CD82: variants seen among roughly 807,000 people sequenced by gnomAD.
The protein encoded by CD82 is CD82 antigen.
Under a neutral mutation model 37.4 loss-of-function variants are expected in CD82, and 36 were observed. The ratio of observed to expected loss-of-function variants is 0.96; its 90% CI spans 0.74 to 1.27. CD82 has a LOEUF of 1.27. CD82 is among the 50% of genes most tolerant of loss of function. The probability of loss-of-function intolerance (pLI) is 0.00; values close to 1 mark genes in which losing one functional copy is unlikely to be tolerated. For missense variants in CD82, 340 were observed against 347.0 expected, an observed-to-expected ratio of 0.98 and a Z score of 0.16; for synonymous variants, 158 against 137.4, an observed-to-expected ratio of 1.15 and a Z score of -1.05.
chr11:44,591,705 C>T (rs1853147517), intron 2 of CD82, among the ~76,000 whole-genome samples: 1 of 152,216 alleles, frequency 6.6e-6, no homozygotes, highest in Non-Finnish European at 1.5e-5. Context: ...TAGGAATACT[C>T]ACTTCCTGGG....
chr11:44,584,369 C>G (rs914358767), intron 1 of CD82, among the ~76,000 whole-genome samples: 51 of 152,300 alleles, frequency 3.3e-4, no homozygotes, highest in Non-Finnish European at 6.8e-4. Flanking sequence ...TCACTGCAAC[C>G]TCTGCTTCCC....
chr11:44,594,786 C>T (rs1853197732), intron 3 of CD82, 61 bp downstream of exon 3: 11 of 1,411,276 alleles, frequency 7.8e-6, no homozygotes, highest in Non-Finnish European at 1.1e-5. Context: ...AGGGGCATCC[C>T]AGCCTGAGCC....
intron 1 of CD82, among the ~76,000 whole-genome samples, chr11:44,576,058 G>A (rs1041109716): frequency 2.3e-4 from 35 of 152,290 alleles, no homozygotes; most frequent in African/African-American, 6.3e-4. Context: ...CCATCTCTGC[G>A]CTAGGATCTT....
In CD82 at chr11:44,618,243, T is replaced by C. The variant is rs1853594558; in HGVS notation, c.520T>C (p.Cys174Arg). 6.2e-7 allele frequency: 1 copy of C among 1,614,090 alleles called. No individual in the cohort carries two copies. The highest frequency in any genetic ancestry group is 8.5e-7 in the Non-Finnish European group (1 of 1,180,024). ...LMNRPEVTYP[C>R]SCEVKGEEDN... ...GAATCGCCCTGAGGTCACCTACCCC[T>C]GTTCCTGCGAAGTCAAGGGGGAAGA... is the stretch of plus-strand genomic sequence containing the variant. Residue 174 changes from cysteine to arginine, a missense_variant, in exon 8 of 10, where the codon TGT (cysteine) becomes CGT (arginine). Coordinates refer to ENST00000227155, the MANE Select transcript of CD82 (RefSeq NM_002231.4).
intron 1 of CD82, chr11:44,573,217 C>A (rs1168314208): frequency 1.3e-5 from 2 of 152,096 alleles, no homozygotes; most frequent in African/African-American, 4.8e-5. Context: ...ACACATAAAC[C>A]GTTTTGAATG....
chr11:44,604,185 C>A (rs1416379952), intron 4 of CD82, among the ~76,000 whole-genome samples: 1 of 152,202 alleles, frequency 6.6e-6, no homozygotes, highest in South Asian at 2.1e-4. Context: ...CCACTCCCCA[C>A]CCCCAAATGT....
At chr11:44,598,197 C>T (rs550905702) in intron 3 of CD82, among the ~76,000 whole-genome samples, 3 of 151,904 alleles carry the variant, frequency 2.0e-5, no homozygotes, top group East Asian at 1.9e-4. Flanking sequence ...GGGGGGCAGA[C>T]GTGGGGTGGT....
intron 6 of CD82, chr11:44,606,909 C>T (rs1853406010): frequency 1.3e-5 from 2 of 152,338 alleles, no homozygotes; most frequent in Admixed American, 1.3e-4. Flanking sequence ...ACTAGGCCCT[C>T]TCAAGGTCGT....
intron 1 of CD82, among the ~76,000 whole-genome samples, chr11:44,574,157 G>C (rs1431075307): frequency 6.6e-6 from 1 of 152,086 alleles, no homozygotes; most frequent in African/African-American, 2.4e-5. Flanking sequence ...ACCCAGCCTT[G>C]AGCTGGGTGC....
intron 2 of CD82, among the ~76,000 whole-genome samples, chr11:44,593,852 T>C (rs1235710392): frequency 1.3e-5 from 2 of 152,086 alleles, no homozygotes; most frequent in African/African-American, 4.8e-5. Flanking sequence ...TAATAAGTAC[T>C]AATAGGATGG....
chr11:44,599,674 C>T (rs962583541), intron 3 of CD82, among the ~76,000 whole-genome samples: 3 of 152,214 alleles, frequency 2.0e-5, no homozygotes, highest in Admixed American at 6.5e-5. Context: ...TGGGGGCACC[C>T]GAGTCTGCCT....
chr11:44,619,168 A>G lies in CD82; in HGVS notation c.*42A>G. Reference sequence around the variant, plus strand: ...ATCTCCCTGCCTGGCCCCCAACCTCAGGGCTCCCAGGGGTCTCCCTGGCTC... The same window carrying G: ...ATCTCCCTGCCTGGCCCCCAACCTCGGGGCTCCCAGGGGTCTCCCTGGCTC... On this transcript the variant is annotated 3_prime_UTR_variant, in exon 10 of 10. Coordinates refer to ENST00000227155, the MANE Select transcript of CD82 (RefSeq NM_002231.4). 4.0e-6 allele frequency: 6 copies of G among 1,509,330 alleles called. No homozygotes were observed. The highest frequency in any genetic ancestry group is 5.5e-6 in the Non-Finnish European group (6 of 1,084,472). 93.5% of individuals were successfully genotyped at this position (1,509,330 alleles called of 1,614,324 possible). A position where few individuals can be genotyped will look rare whatever the true frequency, so the allele number is the denominator to read the frequency against.
chr11:44,610,257 A>G (rs1853461141), intron 6 of CD82, among the ~76,000 whole-genome samples: 2 of 152,240 alleles, frequency 1.3e-5, no homozygotes, highest in Admixed American at 1.3e-4. Context: ...GAGGGATTTG[A>G]TTTGTTCCTG....
At chr11:44,596,763 C>T (rs1276212353) in intron 3 of CD82, 1 of 384,788 alleles carries the variant, frequency 2.6e-6, no homozygotes, top group African/African-American at 2.1e-5. Flanking sequence ...GTTTACTCCT[C>T]AGCAAATGTG....
intron 1 of CD82, among the ~76,000 whole-genome samples, chr11:44,584,223 T>A (rs4996637): frequency 0.97 from 148,344 of 152,292 alleles, 72,296 homozygotes; most frequent in Non-Finnish European, 0.99. Flanking sequence ...GGGGTTTAGT[T>A]ACTCACTTGC....
At chr11:44,600,325 T>C in intron 4 of CD82, 95 bp downstream of exon 4, 3 of 1,166,516 alleles carry the variant, frequency 2.6e-6, no homozygotes, top group East Asian at 4.8e-5. Flanking sequence ...TCGGCTTCAA[T>C]GCCTGTTGCT....
rs1316047238 is a variant in CD82, at chr11:44,619,171, G to A, written c.*45G>A. 7 of 1,491,222 alleles carry A rather than the reference G, an allele frequency of 4.7e-6. No individual in the cohort carries two copies. Among genetic ancestry groups the A allele is most frequent in the Non-Finnish European group, 6.6e-6 (7 of 1,067,958 alleles). The allele number at this position is 1,491,222 out of a possible 1,614,324, so 92.4% of individuals were successfully genotyped here. The stretch of plus-strand genomic sequence containing the variant: ...TCCCTGCCTGGCCCCCAACCTCAGG[G>A]CTCCCAGGGGTCTCCCTGGCTCCCT... On this transcript the variant is annotated 3_prime_UTR_variant, in exon 10 of 10. Transcript: ENST00000227155.
chr11:44,585,117 C>T (rs1853034472), intron 1 of CD82: 17 of 448,808 alleles, frequency 3.8e-5, no homozygotes, highest in South Asian at 2.7e-4. Context: ...CTTAGGCAGC[C>T]CAGCCTGGTC....
At chr11:44,610,612 G>A (rs909917348) in intron 6 of CD82, among the ~76,000 whole-genome samples, 7 of 151,932 alleles carry the variant, frequency 4.6e-5, no homozygotes, top group Admixed American at 6.5e-5. Flanking sequence ...GCAGCTTGCC[G>A]AGGCTAAGAT....
Sources: gnomAD v4.1 joint callset for allele counts (sites outside exome capture counted in the v4.1 genomes callset) on GRCh38, gnomAD v4.1.1 for gene constraint, MANE v1.5 for transcripts, NCBI Gene and HGNC (gene_info 2026-07-23, HGNC 2026-07-21) for gene names.